Variants in SLC38A1 observed in about 807,000 individuals in gnomAD.
The protein encoded by SLC38A1 is sodium-coupled neutral amino acid symporter 1.
SLC38A1 carries 18 observed loss-of-function variants against 60.3 expected under a neutral mutation model. The ratio of observed to expected loss-of-function variants is 0.30; its 90% CI spans 0.21 to 0.44. The LOEUF (loss-of-function observed/expected upper bound fraction) is 0.44. SLC38A1 is among the 20% of genes least tolerant of loss of function. The probability of loss-of-function intolerance (pLI) is 1.00; values close to 1 mark genes in which losing one functional copy is unlikely to be tolerated. For synonymous variants in SLC38A1, 196 were observed against 212.1 expected (o/e 0.92, Z 0.66); for missense variants, 448 against 587.2 (o/e 0.76, Z 2.45).
rs1237723434 is a variant in SLC38A1 at position 46,188,958 on chromosome 12, T to C, written c.*12A>G. 6.2e-7 allele frequency: 1 copy of C among 1,610,496 alleles called. No individual in the cohort carries two copies. Reference sequence around the variant, plus strand: ...AGCAGACAACAGGGATGTTTCTTTTTCTCGGCGGGTTTCAGTGGCCTTCGT... The same window carrying C: ...AGCAGACAACAGGGATGTTTCTTTTCCTCGGCGGGTTTCAGTGGCCTTCGT... On this transcript the variant is annotated 3_prime_UTR_variant, in exon 17 of 17. Coordinates refer to ENST00000398637, the MANE Select transcript of SLC38A1 (RefSeq NM_030674.4).
intron 1 of SLC38A1, among the ~76,000 whole-genome samples, chr12:46,257,862 C>A (rs1318207462): frequency 2.6e-5 from 4 of 152,144 alleles, no homozygotes. Context: ...CAATCCAGAC[C>A]CCAGAAGATG....
chr12:46,232,753 C>T (rs190133936), intron 3 of SLC38A1, among the ~76,000 whole-genome samples: 29 of 152,286 alleles, frequency 1.9e-4, no homozygotes, highest in Non-Finnish European at 4.0e-4. Flanking sequence ...ATGCTCAAGT[C>T]CCTAACATAA....
At chr12:46,229,315 A>G (rs759771191) in intron 4 of SLC38A1, 47 bp from the exon 5 acceptor site, 26 of 1,329,424 alleles carry the variant, frequency 2.0e-5, no homozygotes, top group Non-Finnish European at 2.6e-5. Context: ...AATCCCCAAG[A>G]AAGTTCATCA....
At chr12:46,231,185 C>T (rs903449107) in intron 3 of SLC38A1, among the ~76,000 whole-genome samples, 28 of 152,120 alleles carry the variant, frequency 1.8e-4, no homozygotes, top group Admixed American at 1.5e-3. Flanking sequence ...TATGAAATGA[C>T]TCAGAAACAG....
intron 5 of SLC38A1, among the ~76,000 whole-genome samples, chr12:46,209,470 G>A (rs1940052038): frequency 2.0e-5 from 3 of 152,200 alleles, no homozygotes; most frequent in Admixed American, 2.0e-4. Context: ...GGGTGAGAAA[G>A]TGTGAGAATG....
At chr12:46,253,032 G>A (rs1941908828) in intron 1 of SLC38A1, among the ~76,000 whole-genome samples, 1 of 148,080 alleles carries the variant, frequency 6.8e-6, no homozygotes, top group Admixed American at 6.8e-5. Flanking sequence ...CACAGACATA[G>A]AGAATAAAAC....
intron 1 of SLC38A1, among the ~76,000 whole-genome samples, chr12:46,247,671 GGAAATACA>G (rs1258613226): frequency 1.3e-5 from 2 of 152,130 alleles, no homozygotes; most frequent in East Asian, 3.9e-4. Flanking sequence ...CTCAAATTTA[GGAAATACA>G]GAGAACACCA....
chr12:46,194,841 T>C (rs1939293992), intron 16 of SLC38A1, among the ~76,000 whole-genome samples: 1 of 152,156 alleles, frequency 6.6e-6, no homozygotes, highest in Non-Finnish European at 1.5e-5. Context: ...ACCTTTTTTT[T>C]TTCCACAGTT....
At chr12:46,205,022 A>G (rs974134908) in intron 9 of SLC38A1, among the ~76,000 whole-genome samples, 1 of 152,182 alleles carries the variant, frequency 6.6e-6, no homozygotes, top group African/African-American at 2.4e-5. Flanking sequence ...TGCATACTGA[A>G]TGTCAGTTAT....
intron 3 of SLC38A1, 34 bp downstream of exon 3, chr12:46,239,645 C>G (rs749503063): frequency 6.2e-7 from 1 of 1,610,986 alleles, no homozygotes; most frequent in South Asian, 1.1e-5. Context: ...CCATTTCTTT[C>G]ACTGGATAGA....
chr12:46,227,945 T>A (rs548742100), intron 5 of SLC38A1, among the ~76,000 whole-genome samples: 1 of 151,898 alleles, frequency 6.6e-6, no homozygotes, highest in African/African-American at 2.4e-5. Flanking sequence ...CCTCAGAGAG[T>A]CAGAATTTCA....
At chr12:46,198,576 A>G (rs754468401) in intron 14 of SLC38A1, 49 bp downstream of exon 14, 1 of 1,319,700 alleles carries the variant, frequency 7.6e-7, no homozygotes, top group East Asian at 2.4e-5. Context: ...AGGCAGAAGG[A>G]AAGCCGAGAC....
rs1156701994 is a variant in SLC38A1, at chr12:46,231,141, C to A, written c.123-1502G>T. 3.9e-5 allele frequency among the ~76,000 whole-genome samples: 6 copies of A among 152,014 alleles called. No individual in the cohort carries two copies. In the South Asian group the frequency reaches 1.0e-3, roughly 26 times the overall value. ...ACCATAACAAATAATAAAATCATGTCTTTTGCAGCAACGTGGGTAGAGCTG... is the reference window on the plus strand; with the variant it reads ...ACCATAACAAATAATAAAATCATGTATTTTGCAGCAACGTGGGTAGAGCTG... On this transcript the variant is annotated intron_variant, in intron 3 of 16. Coordinates refer to ENST00000398637, the MANE Select transcript of SLC38A1 (RefSeq NM_030674.4).
At chr12:46,256,493 A>T (rs1418901724) in intron 1 of SLC38A1, among the ~76,000 whole-genome samples, 1 of 152,078 alleles carries the variant, frequency 6.6e-6, no homozygotes, top group Non-Finnish European at 1.5e-5. Flanking sequence ...TCAACCCCGA[A>T]CCCGGGCTGC....
intron 6 of SLC38A1, among the ~76,000 whole-genome samples, chr12:46,208,194 G>A (rs1190239544): frequency 6.6e-6 from 1 of 152,182 alleles, no homozygotes; most frequent in African/African-American, 2.4e-5. Context: ...ACAAAAGAGA[G>A]CAGAAGACTA....
intron 3 of SLC38A1, among the ~76,000 whole-genome samples, chr12:46,234,215 C>G (rs910927733): frequency 5.3e-5 from 8 of 152,218 alleles, no homozygotes; most frequent in Non-Finnish European, 1.2e-4. Context: ...AGTGCTGTCT[C>G]TCAGCTCCTT....
At chr12:46,200,414 G>A (rs1448340016) in intron 13 of SLC38A1, among the ~76,000 whole-genome samples, 1 of 150,764 alleles carries the variant, frequency 6.6e-6, no homozygotes. Context: ...CATATATATA[G>A]ACACACATAT....
intron 5 of SLC38A1, among the ~76,000 whole-genome samples, chr12:46,214,868 G>A (rs963583753): frequency 2.6e-5 from 4 of 152,190 alleles, no homozygotes; most frequent in African/African-American, 7.2e-5. Context: ...AGCTCAGATG[G>A]GGGTGTTTGG....
chr12:46,268,942 T>C lies in SLC38A1; in HGVS notation c.-625A>G. 2.2e-6 allele frequency: 1 copy of C among 452,338 alleles called. No homozygotes were observed. Among genetic ancestry groups the C allele is most frequent in the South Asian group, 1.6e-5 (1 of 64,028 alleles). 28.0% of individuals were successfully genotyped at this position (452,338 alleles called of 1,614,324 possible). A position where few individuals can be genotyped will look rare whatever the true frequency, so the allele number is the denominator to read the frequency against. On this transcript the variant is annotated 5_prime_UTR_variant, in exon 1 of 17. The change abolishes an upstream ATG in the 5' untranslated region. Transcript: ENST00000398637. This position sits in a 1 kb window ranked among gnomAD's most constrained non-coding sequence, Gnocchi z 4.4. ...GGGACGCGTGGCCCTTCCGCAACCA[T>C]GGCTTGTGATGGTTTAACGCGGACA... is the stretch of plus-strand genomic sequence containing the variant.
Sources: gnomAD v4.1 joint callset for allele counts (sites outside exome capture counted in the v4.1 genomes callset) on GRCh38, gnomAD v4.1.1 for gene constraint, Gnocchi (gnomAD v3.1) non-coding constraint, MANE v1.5 for transcripts, NCBI Gene and HGNC (gene_info 2026-07-23, HGNC 2026-07-21) for gene names.